MEMO1: variants seen among roughly 807,000 people sequenced by gnomAD.
MEMO1 encodes the protein mediator of cell motility 1, also known as protein MEMO1.
MEMO1 carries 6 observed loss-of-function variants against 45.2 expected under a neutral mutation model. The ratio of observed to expected loss-of-function variants is 0.13; its 90% CI spans 0.07 to 0.26. MEMO1 has a LOEUF of 0.26. Ranked by LOEUF, MEMO1 falls within the 10% of genes least tolerant of loss-of-function variation. The pLI, the probability that MEMO1 is intolerant of heterozygous loss-of-function variation, is 1.00. For synonymous variants in MEMO1, 78 were observed against 124.3 expected, an observed-to-expected ratio of 0.63 and a Z score of 2.48; for missense variants, 184 against 370.5, an observed-to-expected ratio of 0.50 and a Z score of 4.13.
At chr2:31,887,298 T>G (rs1676323794) in intron 7 of MEMO1, among the ~76,000 whole-genome samples, 1 of 152,104 alleles carries the variant, frequency 6.6e-6, no homozygotes, top group African/African-American at 2.4e-5. Flanking sequence ...GAACAGTAAA[T>G]ACCTCAACAT....
chr2:31,902,149 G>T (rs998674198), intron 6 of MEMO1, among the ~76,000 whole-genome samples: 1 of 151,960 alleles, frequency 6.6e-6, no homozygotes, highest in African/African-American at 2.4e-5. Context: ...AGGTGTGCTG[G>T]CTCACACCTG....
chr2:31,989,773 G>C (rs1378732273), intron 2 of MEMO1, among the ~76,000 whole-genome samples: 1 of 152,122 alleles, frequency 6.6e-6, no homozygotes, highest in Non-Finnish European at 1.5e-5. Context: ...CGCATGTAGA[G>C]TTTCAGTATA....
intron 2 of MEMO1, among the ~76,000 whole-genome samples, chr2:31,994,637 A>AT (rs1553381347): frequency 6.6e-6 from 1 of 151,312 alleles, no homozygotes; most frequent in African/African-American, 2.4e-5. Context: ...TCTAAAAAAA[A>AT]AATAATAATA....
intron 3 of MEMO1, among the ~76,000 whole-genome samples, chr2:31,935,624 A>G (rs1664824273): frequency 6.6e-6 from 1 of 152,212 alleles, no homozygotes; most frequent in Non-Finnish European, 1.5e-5. Flanking sequence ...CAAAGGAGGA[A>G]GAAGATAATA....
intron 2 of MEMO1, among the ~76,000 whole-genome samples, chr2:31,949,614 G>T (rs1286039788): frequency 8.4e-6 from 1 of 119,282 alleles, no homozygotes; most frequent in African/African-American, 3.2e-5. Flanking sequence ...TGGAGGGTTG[G>T]ATAGGAGGTG....
intron 8 of MEMO1, among the ~76,000 whole-genome samples, chr2:31,878,168 T>C (rs1674832339): frequency 6.6e-6 from 1 of 152,104 alleles, no homozygotes; most frequent in African/African-American, 2.4e-5. Context: ...GCTAGGCAGA[T>C]ACATGACATT....
intron 4 of MEMO1, among the ~76,000 whole-genome samples, chr2:31,931,090 C>G (rs1664109586): frequency 6.6e-6 from 1 of 152,054 alleles, no homozygotes; most frequent in Admixed American, 6.5e-5. Flanking sequence ...CAGGGCTAGC[C>G]AAAACCTCAC....
At chr2:31,980,924 A>G (rs1670561532) in intron 2 of MEMO1, among the ~76,000 whole-genome samples, 1 of 152,238 alleles carries the variant, frequency 6.6e-6, no homozygotes, top group African/African-American at 2.4e-5. Flanking sequence ...GCCAGCAGCC[A>G]ATACGGTAGT....
intron 3 of MEMO1, among the ~76,000 whole-genome samples, chr2:31,939,800 T>C (rs530942930): frequency 1.3e-5 from 2 of 152,318 alleles, no homozygotes; most frequent in South Asian, 2.1e-4. Flanking sequence ...AAAATCCTCC[T>C]TACCATATAG....
intron 2 of MEMO1, among the ~76,000 whole-genome samples, chr2:31,979,193 T>C (rs1670362960): frequency 6.6e-6 from 1 of 152,066 alleles, no homozygotes; most frequent in Non-Finnish European, 1.5e-5. Flanking sequence ...GAGAAATCCC[T>C]CACTACGATG....
intron 2 of MEMO1, among the ~76,000 whole-genome samples, chr2:31,975,013 A>C (rs1290297601): frequency 6.6e-6 from 1 of 151,706 alleles, no homozygotes; most frequent in African/African-American, 2.4e-5. Context: ...TCTACTAAAA[A>C]TACAAAAAAT....
chr2:31,891,379 A>G (rs1676951430), intron 7 of MEMO1, among the ~76,000 whole-genome samples: 1 of 152,156 alleles, frequency 6.6e-6, no homozygotes, highest in Non-Finnish European at 1.5e-5. Flanking sequence ...TTCTCTTACA[A>G]CGTACTCACT....
chr2:31,976,927 G>A (rs1670069901), intron 2 of MEMO1, among the ~76,000 whole-genome samples: 1 of 152,026 alleles, frequency 6.6e-6, no homozygotes, highest in African/African-American at 2.4e-5. Context: ...AGATCTTTGT[G>A]TATATGACAC....
At chr2:31,878,271 C>A (rs1034361204) in intron 8 of MEMO1, among the ~76,000 whole-genome samples, 5 of 152,068 alleles carry the variant, frequency 3.3e-5, no homozygotes, top group African/African-American at 1.2e-4. Context: ...TTGGGGGCTG[C>A]AAATCATGTT....
At position 31,913,522 on chromosome 2, in the gene MEMO1, T is replaced by G. The variant is rs186955519; in HGVS notation, c.437+4404A>C. Among the ~76,000 whole-genome samples the G allele has an allele frequency of 4.6e-3, 692 of 151,774 alleles. 9 individuals carry two copies. The highest frequency in any genetic ancestry group is 0.016 in the African/African-American group (672 of 41,380). Reference sequence around the variant, plus strand: ...GTAGCCAAAGATGATTAAGAGTTTTTTTTTTTTTTTATTTTTTGAAAATTA... The same window carrying G: ...GTAGCCAAAGATGATTAAGAGTTTTGTTTTTTTTTTATTTTTTGAAAATTA... On this transcript the variant is annotated intron_variant, in intron 6 of 9. Transcript: ENST00000404530.
intron 6 of MEMO1, among the ~76,000 whole-genome samples, chr2:31,913,451 G>A (rs965003971): frequency 6.7e-6 from 1 of 150,298 alleles, no homozygotes; most frequent in Non-Finnish European, 1.5e-5. Context: ...AAAATGACAG[G>A]GAAATGAGTT....
intron 4 of MEMO1, among the ~76,000 whole-genome samples, chr2:31,925,131 A>G (rs1219184083): frequency 6.6e-6 from 1 of 152,138 alleles, no homozygotes; most frequent in Non-Finnish European, 1.5e-5. Flanking sequence ...TGCCTACTTC[A>G]AACTTTTCAC....
At chr2:31,885,688 T>C (rs191494269) in intron 7 of MEMO1, among the ~76,000 whole-genome samples, 1 of 152,310 alleles carries the variant, frequency 6.6e-6, no homozygotes, top group African/African-American at 2.4e-5. Context: ...CTGAACTGCT[T>C]TAGGTTTACA....
At chr2:31,924,446 T>TAA (rs36009338) in intron 4 of MEMO1, among the ~76,000 whole-genome samples, 2,573 of 134,252 alleles carry the variant, frequency 0.019, 82 homozygotes, top group African/African-American at 0.065. Context: ...ATACACAAGT[T>TAA]AAAAAAAAAA....
Sources: allele counts gnomAD v4.1 joint callset (sites outside exome capture counted in the v4.1 genomes callset), GRCh38; gene constraint gnomAD v4.1.1; transcripts MANE v1.5; gene names NCBI Gene and HGNC (gene_info 2026-07-23, HGNC 2026-07-21).